The following SKIC3 variants were observed in gnomAD, a reference collection of about 807,000 sequenced individuals.
The protein encoded by SKIC3 is superkiller complex protein 3.
At chr5:95,498,150 C>T in the SKIC3 span, among the ~76,000 whole-genome samples, 1 of 152,002 alleles carries the variant, frequency 6.6e-6, no homozygotes, top group Non-Finnish European at 1.5e-5. Context: ...CTTAACCTGA[C>T]TAAGGGCCAA....
the SKIC3 span, among the ~76,000 whole-genome samples, chr5:95,484,337 CCT>C: frequency 6.8e-6 from 1 of 147,376 alleles, no homozygotes; most frequent in African/African-American, 2.5e-5. Context: ...AACATGCATT[CCT>C]CTTTTTTTTT....
the SKIC3 span, chr5:95,502,809 G>GC: frequency 6.3e-7 from 1 of 1,592,298 alleles, no homozygotes; most frequent in South Asian, 1.1e-5. Context: ...AAGAACTTAC[G>GC]CTTTCTCCAA....
chr5:95,493,408 A>T, the SKIC3 span, among the ~76,000 whole-genome samples: 1 of 152,180 alleles, frequency 6.6e-6, no homozygotes, highest in Non-Finnish European at 1.5e-5. Context: ...GTCCTTACAC[A>T]ATCAAAGGCT....
the SKIC3 span, among the ~76,000 whole-genome samples, chr5:95,518,367 C>T: frequency 6.6e-6 from 1 of 152,002 alleles, no homozygotes. Flanking sequence ...TTGTTAACTA[C>T]AGTCATCCTA....
the SKIC3 span, chr5:95,524,649 C>A: frequency 2.1e-3 from 3,374 of 1,605,474 alleles, 45 homozygotes; most frequent in African/African-American, 0.03. Context: ...CACACCCACA[C>A]GCAATATAGG....
the SKIC3 span, chr5:95,543,389 A>G: frequency 6.4e-7 from 1 of 1,563,888 alleles, no homozygotes; most frequent in South Asian, 1.1e-5. Flanking sequence ...AACTAACAAT[A>G]ACAGAAAGTC....
At chr5:95,537,508 C>T in the SKIC3 span, among the ~76,000 whole-genome samples, 5 of 152,192 alleles carry the variant, frequency 3.3e-5, no homozygotes, top group African/African-American at 1.2e-4. Context: ...ATCACTAGCA[C>T]GTTCTTTGAA....
chr5:95,551,908 T>C, the SKIC3 span, among the ~76,000 whole-genome samples: 1 of 152,200 alleles, frequency 6.6e-6, no homozygotes, highest in Admixed American at 6.5e-5. Flanking sequence ...CTACTATTAT[T>C]CTCTCAATCA....
the SKIC3 span, chr5:95,498,443 G>A: frequency 1.2e-6 from 2 of 1,614,178 alleles, no homozygotes; most frequent in Non-Finnish European, 1.7e-6. Context: ...GCTGATGTAA[G>A]AAGGCACCTC....
the SKIC3 span, chr5:95,494,725 AT>A: frequency 2.5e-6 from 4 of 1,613,688 alleles, no homozygotes; most frequent in African/African-American, 1.3e-5. Flanking sequence ...TTAGTGCAGT[AT>A]TTTTTTCATC....
the SKIC3 span, among the ~76,000 whole-genome samples, chr5:95,505,767 C>G: frequency 3.3e-5 from 5 of 151,014 alleles, no homozygotes; most frequent in African/African-American, 1.2e-4. Flanking sequence ...GAGCCAAGAT[C>G]GCGCCACTGC....
the SKIC3 span, chr5:95,523,638 G>T: frequency 2.7e-5 from 44 of 1,611,234 alleles, no homozygotes; most frequent in Non-Finnish European, 3.6e-5. Flanking sequence ...AAAAGCAAAA[G>T]TGATTATTAG....
At chr5:95,479,315 A>G in the SKIC3 span, among the ~76,000 whole-genome samples, 1,843 of 152,334 alleles carry the variant, frequency 0.012, 19 homozygotes, top group Non-Finnish European at 0.02. Context: ...AGAAATTTCA[A>G]ACTAAATTAA....
the SKIC3 span, among the ~76,000 whole-genome samples, chr5:95,549,738 CT>C: frequency 1.1e-4 from 17 of 151,004 alleles, no homozygotes; most frequent in South Asian, 1.0e-3. Flanking sequence ...CTACTACTTC[CT>C]TTTTTTTTAA....
chr5:95,522,204 A>T, the SKIC3 span: 1 of 1,613,896 alleles, frequency 6.2e-7, no homozygotes, highest in African/African-American at 1.3e-5. Flanking sequence ...GCTTTTGTGA[A>T]GGACTTCAAG....
the SKIC3 span, among the ~76,000 whole-genome samples, chr5:95,533,941 T>C: frequency 6.6e-6 from 1 of 152,182 alleles, no homozygotes; most frequent in Non-Finnish European, 1.5e-5. Flanking sequence ...AAAAAGAATT[T>C]TCAAAGTATT....
chr5:95,528,705 A>T, the SKIC3 span: 214 of 398,348 alleles, frequency 5.4e-4, no homozygotes, highest in African/African-American at 4.1e-3. Flanking sequence ...TGTCTTGGAC[A>T]CACCAGAAAC....
At chr5:95,490,508 T>A in the SKIC3 span, among the ~76,000 whole-genome samples, 5 of 147,230 alleles carry the variant, frequency 3.4e-5, no homozygotes, top group African/African-American at 1.2e-4. Flanking sequence ...ATATATATTT[T>A]TTTTTTTGAG....
the SKIC3 span, among the ~76,000 whole-genome samples, chr5:95,518,652 A>G: frequency 6.6e-6 from 1 of 151,866 alleles, no homozygotes; most frequent in Non-Finnish European, 1.5e-5. Context: ...ATTCTTTTTT[A>G]TGGCTGAATA....
Sources: gnomAD v4.1 joint callset for allele counts (sites outside exome capture counted in the v4.1 genomes callset) on GRCh38, gnomAD v4.1.1 for gene constraint, MANE v1.5 for transcripts, NCBI Gene and HGNC (gene_info 2026-07-23, HGNC 2026-07-21) for gene names.